DAB1: variants seen among roughly 807,000 people sequenced by gnomAD.
DAB1 encodes DAB adaptor protein 1.
A neutral mutation model predicts 64.6 loss-of-function variants in DAB1; 15 were observed. The observed-to-expected ratio is 0.23, with a 90% confidence interval of 0.16 to 0.36. The LOEUF (loss-of-function observed/expected upper bound fraction) is 0.36, where lower values mean the gene tolerates loss of function less well. DAB1 is among the 10% of genes least tolerant of loss of function. The pLI is 1.00. For synonymous variants in DAB1, 235 were observed against 251.9 expected, an observed-to-expected ratio of 0.93 and a Z score of 0.64; for missense variants, 596 against 706.7, an observed-to-expected ratio of 0.84 and a Z score of 1.78.
intron 5 of DAB1, among the ~76,000 whole-genome samples, chr1:57,991,050 A>T (rs116214713): frequency 0.034 from 5,207 of 152,234 alleles, 316 homozygotes; most frequent in African/African-American, 0.12. Flanking sequence ...GTCAATTCTC[A>T]CAGCAATTCT....
intron 7 of DAB1, among the ~76,000 whole-genome samples, chr1:57,495,456 G>C (rs570850119): frequency 1.1e-4 from 17 of 152,206 alleles, no homozygotes; most frequent in African/African-American, 4.1e-4. Context: ...TCTTTTTGAA[G>C]ATCCTTTAAC....
intron 1 of DAB1, among the ~76,000 whole-genome samples, chr1:58,545,372 C>T: frequency 6.6e-6 from 1 of 152,166 alleles, no homozygotes; most frequent in Non-Finnish European, 1.5e-5. Flanking sequence ...TCACTGACAA[C>T]CAAGTGTCGT....
chr1:58,173,908 T>C (rs192301184), intron 4 of DAB1, among the ~76,000 whole-genome samples: 4 of 152,236 alleles, frequency 2.6e-5, no homozygotes, highest in Admixed American at 2.0e-4. Context: ...CTCCTACTTG[T>C]AGGGTTAGGA....
intron 7 of DAB1, among the ~76,000 whole-genome samples, chr1:57,537,888 G>A (rs533407070): frequency 2.0e-5 from 3 of 152,286 alleles, no homozygotes; most frequent in East Asian, 1.9e-4. Flanking sequence ...CATTCGTGGT[G>A]GAGGGTGAAC....
At chr1:57,389,197 A>G in intron 1 of DAB1, among the ~76,000 whole-genome samples, 1 of 152,104 alleles carries the variant, frequency 6.6e-6, no homozygotes, top group East Asian at 1.9e-4. Flanking sequence ...GTAAACACAC[A>G]TCCTTGACTT....
chr1:57,018,673 C>T (rs1339940228), intron 11 of DAB1, among the ~76,000 whole-genome samples: 1 of 152,316 alleles, frequency 6.6e-6, no homozygotes, highest in East Asian at 1.9e-4. Flanking sequence ...ACTCTCTTGA[C>T]ATCAGCCTGT....
At chr1:58,235,952 A>G (rs1342269241) in intron 4 of DAB1, among the ~76,000 whole-genome samples, 4 of 152,208 alleles carry the variant, frequency 2.6e-5, no homozygotes, top group Non-Finnish European at 1.5e-5. Context: ...CTGCTACAGG[A>G]GGCATGCTTC....
At chr1:57,553,341 GAGAA>G (rs1182679055) in intron 7 of DAB1, among the ~76,000 whole-genome samples, 1 of 135,670 alleles carries the variant, frequency 7.4e-6, no homozygotes, top group African/African-American at 2.8e-5. Flanking sequence ...GAAAGAAACA[GAGAA>G]AGAGAGAGAG....
At chr1:57,694,925 C>T (rs2101719109) in intron 6 of DAB1, among the ~76,000 whole-genome samples, 1 of 152,092 alleles carries the variant, frequency 6.6e-6, no homozygotes, top group East Asian at 1.9e-4. Flanking sequence ...TAAACTTGGG[C>T]ATAAACTGTT....
chr1:57,863,496 C>T (rs1654160164), intron 1 of DAB1, among the ~76,000 whole-genome samples: 1 of 152,078 alleles, frequency 6.6e-6, no homozygotes, highest in South Asian at 2.1e-4. Flanking sequence ...CAAGATGGCC[C>T]TGTAGTCCAG....
chr1:57,802,896 A>T (rs983789354), intron 6 of DAB1, among the ~76,000 whole-genome samples: 1 of 152,176 alleles, frequency 6.6e-6, no homozygotes, highest in Admixed American at 6.5e-5. Flanking sequence ...ACAGTCTGTC[A>T]TGGTTGTCCT....
intron 5 of DAB1, among the ~76,000 whole-genome samples, chr1:57,897,918 A>T (rs967404498): frequency 6.6e-6 from 1 of 152,174 alleles, no homozygotes; most frequent in Non-Finnish European, 1.5e-5. Flanking sequence ...AAGGAAAGAG[A>T]AGCATGTTGA....
chr1:58,339,634 C>T (rs1017117307), intron 4 of DAB1, among the ~76,000 whole-genome samples: 12 of 152,068 alleles, frequency 7.9e-5, no homozygotes, highest in Admixed American at 5.9e-4. Context: ...CATATATGGA[C>T]GATATGATTG....
intron 5 of DAB1, among the ~76,000 whole-genome samples, chr1:57,891,135 C>T (rs1332716943): frequency 6.6e-6 from 1 of 152,122 alleles, no homozygotes; most frequent in Non-Finnish European, 1.5e-5. Context: ...GGCTAATATC[C>T]AGAATCTACA....
chr1:57,255,285 T>C (rs74513661), intron 2 of DAB1, among the ~76,000 whole-genome samples: 1 of 152,304 alleles, frequency 6.6e-6, no homozygotes, highest in African/African-American at 2.4e-5. Context: ...ACTCATTTTA[T>C]CATATACTTT....
chr1:58,545,131 C>T (rs1646680574), intron 1 of DAB1, among the ~76,000 whole-genome samples: 1 of 152,136 alleles, frequency 6.6e-6, no homozygotes, highest in African/African-American at 2.4e-5. Context: ...CTCCTTCACC[C>T]ATTCCTAAAT....
At chr1:57,518,442 A>C (rs866500953) in intron 7 of DAB1, among the ~76,000 whole-genome samples, 1 of 152,132 alleles carries the variant, frequency 6.6e-6, no homozygotes, top group South Asian at 2.1e-4. Flanking sequence ...AAATAAAATA[A>C]AATAGAAATG....
intron 3 of DAB1, among the ~76,000 whole-genome samples, chr1:58,355,370 G>A (rs367906047): frequency 6.6e-6 from 1 of 152,168 alleles, no homozygotes; most frequent in African/African-American, 2.4e-5. Flanking sequence ...TGTACCTTTG[G>A]TGGTCTACCA....
Position 58,538,786 on chromosome 1 carries a change from G to T in DAB1, n.32+7917C>A. ...ATATAAAAGTTTTTATTCTAAAAAAGCATTTTACCTGCCTACAATGATTGC... is the reference window on the plus strand; with the variant it reads ...ATATAAAAGTTTTTATTCTAAAAAATCATTTTACCTGCCTACAATGATTGC... On this transcript the variant is annotated intron_variant and non_coding_transcript_variant, in intron 1 of 20. Coordinates refer to the DAB1 transcript ENST00000485760. 4.0e-6 allele frequency: 3 copies of T among 752,140 alleles called. No homozygotes were observed. The Middle Eastern group carries it at 7.3e-4, about 182-fold the overall frequency. 46.6% of individuals were successfully genotyped at this position (752,140 alleles called of 1,614,324 possible). A position where few individuals can be genotyped will look rare whatever the true frequency, so the allele number is the denominator to read the frequency against.
Sources: allele counts gnomAD v4.1 joint callset (sites outside exome capture counted in the v4.1 genomes callset), GRCh38; gene constraint gnomAD v4.1.1; transcripts MANE v1.5; gene names NCBI Gene and HGNC (gene_info 2026-07-23, HGNC 2026-07-21).